The following WDR36 variants were observed in gnomAD, a reference collection of about 807,000 sequenced individuals.
WDR36 encodes WD repeat domain 36, also known as WD repeat-containing protein 36.
WDR36 carries 63 observed loss-of-function variants against 112.7 expected under a neutral mutation model. The ratio of observed to expected loss-of-function variants is 0.56; its 90% CI spans 0.46 to 0.69. The LOEUF (loss-of-function observed/expected upper bound fraction) is 0.69. Ranked by LOEUF, WDR36 falls within the 30% of genes least tolerant of loss-of-function variation. WDR36 has a pLI of 0.00. For missense variants in WDR36, 1,226 were observed against 1,070.3 expected (o/e 1.15, Z -2.03); for synonymous variants, 410 against 362.2 (o/e 1.13, Z -1.50).
chr5:111,095,631 T>C (rs970643164), intron 2 of WDR36, among the ~76,000 whole-genome samples: 1 of 152,218 alleles, frequency 6.6e-6, no homozygotes, highest in Non-Finnish European at 1.5e-5. Flanking sequence ...GAAATATTCA[T>C]TGGAACATTT....
At chr5:111,092,652 A>G in intron 1 of WDR36, 34 bp downstream of exon 1, 2 of 1,596,800 alleles carry the variant, frequency 1.3e-6, no homozygotes, top group Non-Finnish European at 1.7e-6. Flanking sequence ...TCCCAGGAAA[A>G]CCACCCTCCT....
At chr5:111,110,483 C>G (rs1415468773) in intron 13 of WDR36, among the ~76,000 whole-genome samples, 180 bp downstream of exon 13, 1 of 151,466 alleles carries the variant, frequency 6.6e-6, no homozygotes, top group East Asian at 1.9e-4. Context: ...AGAGAAAAGT[C>G]ATGGGTACTT....
At chr5:111,122,528 G>C (rs1333024543) in intron 19 of WDR36, among the ~76,000 whole-genome samples, 1 of 152,124 alleles carries the variant, frequency 6.6e-6, no homozygotes, top group Non-Finnish European at 1.5e-5. Context: ...TTCCTCCAAA[G>C]CCTTATGGTT....
At position 111,121,108 on chromosome 5, in the gene WDR36, A is replaced by G. The variant is rs574062059; in HGVS notation, c.2115A>G (p.Arg705=). The G allele has an allele frequency of 7.4e-6, 12 of 1,613,632 alleles. No homozygotes were observed. Among genetic ancestry groups the G allele is most frequent in the South Asian group, 5.5e-5 (5 of 91,080 alleles). ...LVTLSLLPES[R]WKNLLNLDVI... is the part of the protein sequence containing the mutation. ...CTCTTTCACTTCTTCCTGAATCACG[A>G]TGGAAAAACCTTCTTAACCTTGATG... Residue 705 remains arginine (R), a synonymous_variant, in exon 19 of 23, where the codon CGA becomes CGG. Coordinates refer to ENST00000513710, the MANE Select transcript of WDR36 (RefSeq NM_139281.3).
intron 4 of WDR36, among the ~76,000 whole-genome samples, chr5:111,099,474 T>TG (rs1290524904): frequency 5.0e-4 from 70 of 139,724 alleles, no homozygotes; most frequent in East Asian, 1.0e-3. Context: ...TTTTTTTTTT[T>TG]TTTTTTTTTT....
intron 9 of WDR36, 89 bp downstream of exon 9, chr5:111,104,906 G>A (rs1360130065): frequency 1.1e-5 from 18 of 1,578,008 alleles, no homozygotes; most frequent in Non-Finnish European, 1.6e-5. Flanking sequence ...CACATACTTA[G>A]ATTCACATAT....
chr5:111,092,551 G>C lies in WDR36; in HGVS notation c.95G>C (p.Arg32Pro), dbSNP rs2112559948. 1 of 1,614,218 alleles carries C rather than the reference G, an allele frequency of 6.2e-7. No homozygotes were observed. Among genetic ancestry groups the C allele is most frequent in the Non-Finnish European group, 8.5e-7 (1 of 1,180,040 alleles). Residue 32 changes from arginine (R) to proline (P), a missense_variant, in exon 1 of 23, where the codon CGG becomes CCG. Physicochemically the swap from Arg to Pro is moderately radical, Grantham distance 103 (BLOSUM62 -2). Coordinates refer to ENST00000513710, the MANE Select transcript of WDR36 (RefSeq NM_139281.3). The stretch of plus-strand genomic sequence containing the variant: ...AGCAACGACATTCCACACGTGGTGC[G>C]GTTCAGCGCGCTCAAGCGCCGGTTC... Reference protein sequence around the residue: ...LFSNDIPHVVRFSALKRRFYV... With the variant: ...LFSNDIPHVVPFSALKRRFYV...
intron 16 of WDR36, among the ~76,000 whole-genome samples, chr5:111,116,339 C>T (rs1753453468): frequency 1.3e-5 from 2 of 152,016 alleles, no homozygotes; most frequent in Non-Finnish European, 2.9e-5. Flanking sequence ...ACCCCTACTT[C>T]CTGAGGAGAA....
In WDR36 at chr5:111,098,809, A is replaced by G. The variant is rs759431275; in HGVS notation, c.379A>G (p.Ile127Val). ...CATTATCTCTGTTGATACTGATGGC[A>G]TTCTTATTATTTGGCACATATATTC... is the stretch of plus-strand genomic sequence containing the variant. ...DHIISVDTDG[I>V]LIIWHIYSEE... The change falls in exon 4 of 23, where the codon ATT becomes GTT. Residue 127 changes from isoleucine to valine, a missense_variant. By Grantham distance (29) the Ile-to-Val change is conservative (BLOSUM62 3). Coordinates refer to ENST00000513710, the MANE Select transcript of WDR36 (RefSeq NM_139281.3). The G allele has an allele frequency of 1.2e-6, 2 of 1,611,020 alleles. No individual in the cohort carries two copies. Among genetic ancestry groups the G allele is most frequent in the Non-Finnish European group, 1.7e-6 (2 of 1,177,406 alleles).
At chr5:111,106,276 A>G (rs1343898920) in intron 11 of WDR36, 133 bp downstream of exon 11, 2 of 802,410 alleles carry the variant, frequency 2.5e-6, no homozygotes, top group Non-Finnish European at 4.3e-6. Context: ...CCCCAGGTGC[A>G]TGCTGGTCTT....
In WDR36 at chr5:111,099,783, C is replaced by G. The variant is rs1384335987; in HGVS notation, c.410-806C>G. ...AAAGTTTATATAATTTTCACCTATA[C>G]CTGTACATCCTAAACTGTGGTACCC... On this transcript the variant is annotated intron_variant, in intron 4 of 22. Coordinates refer to ENST00000513710, the MANE Select transcript of WDR36 (RefSeq NM_139281.3). Among the ~76,000 whole-genome samples the G allele has an allele frequency of 2.0e-5, 3 of 152,012 alleles. No homozygotes were observed. In the East Asian group the frequency reaches 5.8e-4, roughly 29 times the overall value.
Position 111,129,729 on chromosome 5 carries a change from C to T in WDR36, c.*2846C>T, listed in dbSNP as rs1561713157. Reference sequence around the variant, plus strand: ...CAATCAAATTGATTAATTTTCATGACTTATTTCAGGATATAAAGCAAATTA... The same window carrying T: ...CAATCAAATTGATTAATTTTCATGATTTATTTCAGGATATAAAGCAAATTA... On this transcript the variant is annotated 3_prime_UTR_variant, in exon 23 of 23. Coordinates refer to ENST00000513710, the MANE Select transcript of WDR36 (RefSeq NM_139281.3). 1.0e-5 allele frequency: 2 copies of T among 198,704 alleles called. No homozygotes were observed. The allele number at this position is 198,704 out of a possible 1,614,324, so 12.3% of individuals were successfully genotyped here. A position where few individuals can be genotyped will look rare whatever the true frequency, so the allele number is the denominator to read the frequency against.
At chr5:111,120,448 G>C in intron 17 of WDR36, 48 bp from the exon 18 acceptor site, 1 of 1,454,824 alleles carries the variant, frequency 6.9e-7, no homozygotes. Context: ...TTCTCTGAAA[G>C]AAACTTTTTA....
chr5:111,093,320 C>T (rs932861918), intron 1 of WDR36, among the ~76,000 whole-genome samples: 1 of 152,214 alleles, frequency 6.6e-6, no homozygotes, highest in African/African-American at 2.4e-5. Flanking sequence ...AGAATGTAAC[C>T]TCTGTGAGAA....
chr5:111,107,515 C>T (rs1473329087), intron 12 of WDR36, 76 bp downstream of exon 12: 1 of 1,561,844 alleles, frequency 6.4e-7, no homozygotes, highest in Non-Finnish European at 8.7e-7. Context: ...CAAGGTTTCT[C>T]ATCATAATAT....
At chr5:111,125,086 C>A (rs1166184631) in intron 21 of WDR36, among the ~76,000 whole-genome samples, 2 of 152,108 alleles carry the variant, frequency 1.3e-5, no homozygotes, top group Non-Finnish European at 2.9e-5. Flanking sequence ...TAGGTTTGGG[C>A]TGGGTAAGAA....
chr5:111,125,717 C>T lies in WDR36; in HGVS notation c.2460C>T (p.Phe820=), dbSNP rs754893645. 2 of 1,613,780 alleles carry T rather than the reference C, an allele frequency of 1.2e-6. No homozygotes were observed. Among genetic ancestry groups the T allele is most frequent in the African/African-American group, 2.7e-5 (2 of 74,878 alleles). The change falls in exon 22 of 23, where the codon TTC becomes TTT. Residue 820 remains phenylalanine, a synonymous_variant. Coordinates refer to ENST00000513710, the MANE Select transcript of WDR36 (RefSeq NM_139281.3). ...CGGSIEVMQS[F]LKMIGMMLDR... is the part of the protein sequence containing the mutation. ...GGTCCATAGAAGTTATGCAGAGCTT[C>T]TTGAAAATGATTGGGATGATGCTGG... is the stretch of plus-strand genomic sequence containing the variant.
At chr5:111,101,534 C>G (rs1445738792) in intron 5 of WDR36, among the ~76,000 whole-genome samples, 2 of 151,704 alleles carry the variant, frequency 1.3e-5, no homozygotes, top group African/African-American at 4.8e-5. Flanking sequence ...ATTGATGTAG[C>G]TAGAGGGCTG....
rs1333067754 is a variant in WDR36 at position 111,128,900 on chromosome 5, A to G, written c.*2017A>G. 1.0e-5 allele frequency: 2 copies of G among 192,164 alleles called. No individual in the cohort carries two copies. The highest frequency in any genetic ancestry group is 2.3e-5 in the African/African-American group (1 of 43,066). 11.9% of individuals were successfully genotyped at this position (192,164 alleles called of 1,614,324 possible). A position where few individuals can be genotyped will look rare whatever the true frequency, so the allele number is the denominator to read the frequency against. ...TTTGAAAACCATCTTCAGTCCCAAT[A>G]TCCTCTGTAGAAGTAATAGTTTTAA... On this transcript the variant is annotated 3_prime_UTR_variant, in exon 23 of 23. Transcript: ENST00000513710.
Sources: allele counts gnomAD v4.1 joint callset (sites outside exome capture counted in the v4.1 genomes callset), GRCh38; gene constraint gnomAD v4.1.1; transcripts MANE v1.5; gene names NCBI Gene and HGNC (gene_info 2026-07-23, HGNC 2026-07-21).